Variants in MB21D2 observed in about 807,000 individuals in gnomAD.
MB21D2 encodes the protein Mab-21 domain containing 2.
Under a neutral mutation model 33.3 loss-of-function variants are expected in MB21D2, and 9 were observed. The observed-to-expected ratio is 0.27, with a 90% CI of 0.16 to 0.47. The LOEUF is 0.47. Among genes scored for constraint, MB21D2 ranks in the 20% least tolerant of loss-of-function variants. The pLI, the probability that MB21D2 is intolerant of heterozygous loss-of-function variation, is 0.99. For missense variants in MB21D2, 540 were observed against 624.6 expected (o/e 0.86, Z 1.44); for synonymous variants, 241 against 236.3 (o/e 1.02, Z -0.18).
chr3:192,887,556 G>T (rs1337338448), intron 1 of MB21D2, among the ~76,000 whole-genome samples: 2 of 152,016 alleles, frequency 1.3e-5, no homozygotes, highest in Admixed American at 1.3e-4. Flanking sequence ...ATACGTCTAG[G>T]TTTGATCTAA....
chr3:192,803,429 C>G (rs937925113), intron 1 of MB21D2, among the ~76,000 whole-genome samples: 1 of 152,104 alleles, frequency 6.6e-6, no homozygotes, highest in South Asian at 2.1e-4. Flanking sequence ...TTACTAAGCC[C>G]CTATAAGAAA....
intron 1 of MB21D2, among the ~76,000 whole-genome samples, chr3:192,840,401 T>G (rs1358214786): frequency 1.4e-5 from 2 of 145,504 alleles, no homozygotes; most frequent in African/African-American, 5.2e-5. Context: ...GACAAAGACT[T>G]TTTTCTCTTT....
intron 1 of MB21D2, among the ~76,000 whole-genome samples, chr3:192,803,795 A>G (rs568008906): frequency 1.2e-4 from 18 of 152,300 alleles, no homozygotes; most frequent in African/African-American, 3.8e-4. Flanking sequence ...CTGTGTAATT[A>G]CTGGAGGATA....
At position 192,809,483 on chromosome 3, in the gene MB21D2, A is replaced by G. The variant is rs1197605447; in HGVS notation, c.212-9833T>C. ...CCATGATAGCTGACCTGGGATCCAA[A>G]TTCAAGTTGATCCTATGCTGCTTTC... On this transcript the variant is annotated intron_variant, in intron 1 of 1. Coordinates refer to ENST00000392452, the MANE Select transcript of MB21D2 (RefSeq NM_178496.4). Among the ~76,000 whole-genome samples the G allele has an allele frequency of 6.6e-5, 10 of 152,292 alleles. No individual in the cohort carries two copies. In the East Asian group the frequency reaches 1.9e-3, roughly 29 times the overall value.
At chr3:192,906,705 T>C (rs985550619) in intron 1 of MB21D2, among the ~76,000 whole-genome samples, 3 of 152,242 alleles carry the variant, frequency 2.0e-5, no homozygotes, top group African/African-American at 7.2e-5. Flanking sequence ...TGCTTAATTT[T>C]GTTAAATCCT....
rs79329504 is a variant in MB21D2, at chr3:192,867,097, C to T, written c.211+50533G>A. On this transcript the variant is annotated intron_variant, in intron 1 of 1. Coordinates refer to ENST00000392452, the MANE Select transcript of MB21D2 (RefSeq NM_178496.4). ...ATTGCAATATTAGGTTATAAAATGA[C>T]TGACTTTCCAACAGGCATGCATCAG... 9.9e-3 allele frequency among the ~76,000 whole-genome samples: 1,504 copies of T among 152,222 alleles called. 28 individuals are homozygous for T. Among genetic ancestry groups the T allele is most frequent in the African/African-American group, 0.034 (1,409 of 41,530 alleles).
chr3:192,837,189 C>T (rs1302829537), intron 1 of MB21D2, among the ~76,000 whole-genome samples: 4 of 152,168 alleles, frequency 2.6e-5, no homozygotes, highest in East Asian at 3.9e-4. Context: ...CCCTAGAAAG[C>T]CCACACGTTT....
In MB21D2 at chr3:192,865,873, CT is replaced by C. The variant is rs1713156462; in HGVS notation, c.211+51756del. Among the ~76,000 whole-genome samples, 7 of 152,096 alleles carry C rather than the reference CT, an allele frequency of 4.6e-5. No homozygotes were observed. The South Asian group carries it at 1.5e-3, about 32-fold the overall frequency. On this transcript the variant is annotated intron_variant, in intron 1 of 1. Transcript: ENST00000392452. ...ACAGCCTAGGCAACATAGTAAGACT[CT>C]GTCTCTACAAAAAATAAAAAATTAG... is the stretch of plus-strand genomic sequence containing the variant.
chr3:192,806,564 A>G lies in MB21D2; in HGVS notation c.212-6914T>C, dbSNP rs575566916. Among the ~76,000 whole-genome samples, 4 of 152,332 alleles carry G rather than the reference A, an allele frequency of 2.6e-5. No homozygotes were observed. In the South Asian group the frequency reaches 8.3e-4, roughly 32 times the overall value. ...AAAGATCCTATCTTAGGTGACATCT[A>G]TAACCTCCTTGTGGTCAACATTCTT... On this transcript the variant is annotated intron_variant, in intron 1 of 1. Coordinates refer to ENST00000392452, the MANE Select transcript of MB21D2 (RefSeq NM_178496.4).
intron 1 of MB21D2, among the ~76,000 whole-genome samples, chr3:192,809,948 T>C (rs1336012862): frequency 6.6e-6 from 1 of 152,204 alleles, no homozygotes; most frequent in Non-Finnish European, 1.5e-5. Flanking sequence ...CATATTCAGA[T>C]GCGTAGTCTA....
chr3:192,810,976 G>A (rs898558964), intron 1 of MB21D2, among the ~76,000 whole-genome samples: 1 of 152,198 alleles, frequency 6.6e-6, no homozygotes, highest in African/African-American at 2.4e-5. Flanking sequence ...ACTTGCAGCT[G>A]TGACAGGCAG....
At chr3:192,870,079 C>G (rs1401448632) in intron 1 of MB21D2, among the ~76,000 whole-genome samples, 1 of 152,220 alleles carries the variant, frequency 6.6e-6, no homozygotes, top group African/African-American at 2.4e-5. Flanking sequence ...ATAAATTACA[C>G]AACCAAATAC....
chr3:192,827,195 A>AAAACTCACC (rs1712194680), intron 1 of MB21D2, among the ~76,000 whole-genome samples: 1 of 151,442 alleles, frequency 6.6e-6, no homozygotes, highest in African/African-American at 2.4e-5. Context: ...TGCGCCCGGC[A>AAAACTCACC]CCCTGTCTTT....
rs1338387820 is a variant in MB21D2, at chr3:192,799,574, G to A, written c.288C>T (p.Gly96=). Residue 96 remains glycine, a synonymous_variant, in exon 2 of 2, where the codon GGC becomes GGT. Coordinates refer to ENST00000392452, the MANE Select transcript of MB21D2 (RefSeq NM_178496.4). This position sits in a 1 kb window ranked among gnomAD's most constrained non-coding sequence, Gnocchi z 4.1. ...GCTCATCTAAGTCCAGGTCCACCAC[G>A]CCTTCCCGGACACCTCCAGAGAGCA... The part of the protein sequence containing the change: ...YLLLSGGVRE[G]VVDLDLDELN... 8 of 1,614,012 alleles carry A rather than the reference G, an allele frequency of 5.0e-6. No individual in the cohort carries two copies. Among genetic ancestry groups the A allele is most frequent in the East Asian group, 4.5e-5 (2 of 44,880 alleles).
chr3:192,867,404 A>C (rs1265983629), intron 1 of MB21D2, among the ~76,000 whole-genome samples: 1 of 152,156 alleles, frequency 6.6e-6, no homozygotes, highest in Non-Finnish European at 1.5e-5. Context: ...GCAAAGAAAA[A>C]ACAATATACC....
chr3:192,880,938 C>T (rs1254640868), intron 1 of MB21D2, among the ~76,000 whole-genome samples: 9 of 152,006 alleles, frequency 5.9e-5, no homozygotes, highest in African/African-American at 2.2e-4. Context: ...AAATTTTGCT[C>T]TTCCCACTTA....
At chr3:192,895,105 C>T (rs1318245409) in intron 1 of MB21D2, among the ~76,000 whole-genome samples, 1 of 152,076 alleles carries the variant, frequency 6.6e-6, no homozygotes. Flanking sequence ...AGGGGGCCTG[C>T]TAGGGAATCA....
Position 192,799,386 on chromosome 3 carries a change from C to T in MB21D2, c.476G>A (p.Ser159Asn). 7 of 1,614,230 alleles carry T rather than the reference C, an allele frequency of 4.3e-6. No homozygotes were observed. The highest frequency in any genetic ancestry group is 1.1e-5 in the South Asian group (1 of 91,090). ...SLRLFDEGTI[S>N]KWKDCCTIVD... is the part of the protein sequence containing the mutation. ...AATGGTGCAGCAGTCTTTCCATTTA[C>T]TGATTGTCCCCTCATCAAAGAGCCG... is the stretch of plus-strand genomic sequence containing the variant. Residue 159 changes from serine (S) to asparagine (N), a missense_variant, in exon 2 of 2, where the codon AGT becomes AAT. Coordinates refer to ENST00000392452, the MANE Select transcript of MB21D2 (RefSeq NM_178496.4). The surrounding 1 kb of genome is among the most constrained non-coding windows in gnomAD (Gnocchi z 4.1).
At chr3:192,805,712 C>G (rs749036364) in intron 1 of MB21D2, among the ~76,000 whole-genome samples, 1 of 152,130 alleles carries the variant, frequency 6.6e-6, no homozygotes, top group Non-Finnish European at 1.5e-5. Flanking sequence ...CTCTGAGTTT[C>G]CAATTCCTTA....
Sources: gnomAD v4.1 joint callset for allele counts (sites outside exome capture counted in the v4.1 genomes callset) on GRCh38, gnomAD v4.1.1 for gene constraint, Gnocchi (gnomAD v3.1) non-coding constraint, MANE v1.5 for transcripts, NCBI Gene and HGNC (gene_info 2026-07-23, HGNC 2026-07-21) for gene names.